The following SRPRA variants were observed in gnomAD, a reference collection of about 807,000 sequenced individuals.
The protein encoded by SRPRA is SRP receptor subunit alpha, also known as signal recognition particle receptor subunit alpha.
Under a neutral mutation model 61.1 loss-of-function variants are expected in SRPRA, and 30 were observed. The ratio of observed to expected loss-of-function variants is 0.49; its 90% CI spans 0.37 to 0.67. The LOEUF (loss-of-function observed/expected upper bound fraction) is 0.67. Among genes scored for constraint, SRPRA ranks in the 30% least tolerant of loss-of-function variants. SRPRA has a pLI of 0.00. For synonymous variants in SRPRA, 324 were observed against 299.7 expected (o/e 1.08, Z -0.84); for missense variants, 759 against 828.4 (o/e 0.92, Z 1.03).
At chr11:126,240,713 T>C in the SRPRA span, 1 of 1,416,230 alleles carries the variant, frequency 7.1e-7, no homozygotes, top group East Asian at 2.3e-5. Context: ...CTAAAAACTG[T>C]AACCTGAGTC....
the SRPRA span, among the ~76,000 whole-genome samples, chr11:126,243,630 G>A: frequency 6.6e-6 from 1 of 152,142 alleles, no homozygotes; most frequent in African/African-American, 2.4e-5. Context: ...CAGGCCAGGT[G>A]CGGTGGCTCA....
At chr11:126,266,331 A>G (rs1016061224) in intron 6 of SRPRA, 53 bp from the exon 7 acceptor site, 1 of 1,603,812 alleles carries the variant, frequency 6.2e-7, no homozygotes. Context: ...GTCTCTGAGG[A>G]AAACGTCCAC....
the SRPRA span, chr11:126,250,784 C>T: frequency 1.0e-5 from 14 of 1,376,342 alleles, no homozygotes; most frequent in South Asian, 1.4e-4. This position sits in a 1 kb window ranked among gnomAD's most constrained non-coding sequence, Gnocchi z 5.1. Context: ...TTTTATCTTC[C>T]TCAGAAAAGC....
Position 126,264,044 on chromosome 11 carries a change from C to T in SRPRA, c.1789G>A (p.Val597Met). 6.2e-7 allele frequency: 1 copy of T among 1,614,122 alleles called. No individual in the cohort carries two copies. Among genetic ancestry groups the T allele is most frequent in the South Asian group, 1.1e-5 (1 of 91,078 alleles). ...TACGTCATAGAAATAGCAGCTCCCA[C>T]CTAAGTGGAGAAAGAGGACAGCCCA... The part of the protein sequence containing the change: ...LTKFDTIDDK[V>M]GAAISMTYIT... Residue 597 changes from valine (V) to methionine (M), a missense_variant and splice_region_variant, in exon 14 of 14, where the codon GTG becomes ATG. Val to Met is a conservative substitution (Grantham distance 21, BLOSUM62 1). Transcript: ENST00000332118. This position sits in a 1 kb window ranked among gnomAD's most constrained non-coding sequence, Gnocchi z 5.0.
downstream of SRPRA, chr11:126,260,540 G>A (rs1010655397): frequency 3.3e-5 from 5 of 151,982 alleles, no homozygotes; most frequent in Admixed American, 6.6e-5. Flanking sequence ...GTTAGGCAAC[G>A]TCTGATATTT....
chr11:126,254,030 G>T, the SRPRA span, among the ~76,000 whole-genome samples: 1 of 152,188 alleles, frequency 6.6e-6, no homozygotes, highest in Non-Finnish European at 1.5e-5. Flanking sequence ...TGCCACCAGT[G>T]CAAAGGGTCC....
At chr11:126,247,035 G>A in the SRPRA span, among the ~76,000 whole-genome samples, 3 of 152,352 alleles carry the variant, frequency 2.0e-5, no homozygotes, top group Admixed American at 6.5e-5. Context: ...GTACACGCCT[G>A]TGGTCCCACC....
chr11:126,266,242 G>A lies in SRPRA; in HGVS notation c.877C>T (p.Leu293=). 6.2e-7 allele frequency: 1 copy of A among 1,614,176 alleles called. No homozygotes were observed. The highest frequency in any genetic ancestry group is 8.5e-7 in the Non-Finnish European group (1 of 1,180,044). Residue 293 remains leucine, a synonymous_variant, in exon 7 of 14, where the codon CTG becomes TTG. Transcript: ENST00000332118. ...TCGTCATCAGAGCTGCTGCAGTCCA[G>A]ATCCTGAAGCTGCCCCCCAGACCCA... The part of the protein sequence containing the change: ...GTGSGGQLQD[L]DCSSSDDEGA...
the SRPRA span, chr11:126,250,569 G>A: frequency 6.2e-7 from 1 of 1,614,094 alleles, no homozygotes; most frequent in East Asian, 2.2e-5. This position sits in a 1 kb window ranked among gnomAD's most constrained non-coding sequence, Gnocchi z 5.1. Context: ...TGATGACTTG[G>A]AGTCAAAGAT....
At position 126,267,813 on chromosome 11, in the gene SRPRA, T is replaced by G. The variant is rs762748117; in HGVS notation, c.202-101A>C. On this transcript the variant is annotated intron_variant, in intron 2 of 13. Transcript: ENST00000332118. This position sits in a 1 kb window ranked among gnomAD's most constrained non-coding sequence, Gnocchi z 4.2. Reference sequence around the variant, plus strand: ...GCTTTCAGAGATAGGTTCAGCTACCTGGCCGGTTTCCCTGTCCTGAGAGGC... The same window carrying G: ...GCTTTCAGAGATAGGTTCAGCTACCGGGCCGGTTTCCCTGTCCTGAGAGGC... 6 of 1,533,416 alleles carry G rather than the reference T, an allele frequency of 3.9e-6. No individual in the cohort carries two copies. The highest frequency in any genetic ancestry group is 5.3e-6 in the Non-Finnish European group (6 of 1,124,526). The allele number at this position is 1,533,416 out of a possible 1,614,324, so 95.0% of individuals were successfully genotyped here.
downstream of SRPRA, among the ~76,000 whole-genome samples, chr11:126,257,942 G>C (rs1025924309): frequency 6.6e-6 from 1 of 152,138 alleles, no homozygotes; most frequent in Non-Finnish European, 1.5e-5. Context: ...AACATTTTTG[G>C]TATCAGCTAA....
At chr11:126,240,205 T>G in the SRPRA span, among the ~76,000 whole-genome samples, 2 of 152,154 alleles carry the variant, frequency 1.3e-5, no homozygotes, top group Non-Finnish European at 2.9e-5. Context: ...TGTCCTTTGA[T>G]TAGTTAATGT....
chr11:126,252,899 G>A, the SRPRA span, among the ~76,000 whole-genome samples: 28 of 152,276 alleles, frequency 1.8e-4, 1 homozygote, highest in South Asian at 5.0e-3. The surrounding 1 kb of genome is among the most constrained non-coding windows in gnomAD (Gnocchi z 4.7). Flanking sequence ...GCTGGGAGTG[G>A]TGGTGCACGC....
the SRPRA span, among the ~76,000 whole-genome samples, chr11:126,247,963 ACACT>A: frequency 6.9e-6 from 1 of 145,112 alleles, no homozygotes; most frequent in African/African-American, 2.5e-5. Flanking sequence ...TCACAGACAC[ACACT>A]ATCAATACAT....
downstream of SRPRA, among the ~76,000 whole-genome samples, chr11:126,257,978 C>T (rs1190515633): frequency 2.0e-5 from 3 of 152,134 alleles, no homozygotes; most frequent in Non-Finnish European, 4.4e-5. Context: ...TTCAAAACCT[C>T]ACATTGCCAG....
chr11:126,254,552 G>A, the SRPRA span: 2 of 1,357,046 alleles, frequency 1.5e-6, no homozygotes, highest in Non-Finnish European at 2.0e-6. Flanking sequence ...AAGGTCAGGG[G>A]CTAGGAGCAG....
At chr11:126,255,510 G>T in the SRPRA span, among the ~76,000 whole-genome samples, 1 of 152,040 alleles carries the variant, frequency 6.6e-6, no homozygotes, top group Non-Finnish European at 1.5e-5. The surrounding 1 kb of genome is among the most constrained non-coding windows in gnomAD (Gnocchi z 4.6). Flanking sequence ...CACACATACT[G>T]ATGTTCTAAG....
rs779075965 is a variant in SRPRA at position 126,264,536 on chromosome 11, C to T, written c.1529G>A (p.Arg510His). The change falls in exon 12 of 14, where the codon CGT (arginine) becomes CAT (histidine). Residue 510 changes from arginine to histidine, a missense_variant. By Grantham distance (29) the Arg-to-His change is conservative (BLOSUM62 0). Coordinates refer to ENST00000332118, the MANE Select transcript of SRPRA (RefSeq NM_003139.4). This position sits in a 1 kb window ranked among gnomAD's most constrained non-coding sequence, Gnocchi z 5.0. ...CAGCACCACGTCAAAGCCTTGGTTA[C>T]GTGCTAGAGAAAGAAAGTAGTCAAC... ...GIAMEAIAFA[R>H]NQGFDVVLVD... The T allele has an allele frequency of 1.4e-5, 23 of 1,612,514 alleles. No homozygotes were observed. The South Asian group carries it at 1.9e-4, about 13-fold the overall frequency.
the SRPRA span, chr11:126,256,443 C>T: frequency 1.3e-6 from 1 of 789,232 alleles, no homozygotes; most frequent in Non-Finnish European, 2.0e-6. This position sits in a 1 kb window ranked among gnomAD's most constrained non-coding sequence, Gnocchi z 6.6. Context: ...ATGGGACATA[C>T]CAACCCACTT....
Sources: gnomAD v4.1 joint callset for allele counts (sites outside exome capture counted in the v4.1 genomes callset) on GRCh38, gnomAD v4.1.1 for gene constraint, Gnocchi (gnomAD v3.1) non-coding constraint, MANE v1.5 for transcripts, NCBI Gene and HGNC (gene_info 2026-07-23, HGNC 2026-07-21) for gene names.